COL4A3: variants seen among roughly 807,000 people sequenced by gnomAD.
The protein encoded by COL4A3 is collagen alpha-3(IV) chain.
Under a neutral mutation model 217.4 loss-of-function variants are expected in COL4A3, and 135 were observed. That is an observed-to-expected ratio of 0.62 (90% CI 0.54 to 0.72). The LOEUF (loss-of-function observed/expected upper bound fraction) is 0.72. Ranked by LOEUF, COL4A3 falls within the 30% of genes least tolerant of loss-of-function variation. The pLI, the probability that COL4A3 is intolerant of heterozygous loss-of-function variation, is 0.00. For missense variants in COL4A3, 1,868 were observed against 2,119.9 expected, an observed-to-expected ratio of 0.88 and a Z score of 2.33; for synonymous variants, 690 against 736.3, an observed-to-expected ratio of 0.94 and a Z score of 1.02.
intron 5 of COL4A3, among the ~76,000 whole-genome samples, chr2:227,245,488 A>G (rs1315729144): frequency 2.6e-5 from 4 of 152,176 alleles, no homozygotes; most frequent in African/African-American, 9.7e-5. Flanking sequence ...TTGAGTATCT[A>G]TGGATTTTGG....
At chr2:227,303,773 T>C in intron 44 of COL4A3, 86 bp from the exon 45 acceptor site, 1 of 1,275,720 alleles carries the variant, frequency 7.8e-7, no homozygotes, top group Non-Finnish European at 1.1e-6. Context: ...CTTCTAGTAT[T>C]TGTCCTTAGA....
At chr2:227,205,393 C>A (rs1215280522) in intron 1 of COL4A3, among the ~76,000 whole-genome samples, 1 of 152,088 alleles carries the variant, frequency 6.6e-6, no homozygotes, top group African/African-American at 2.4e-5. Context: ...GATTGCCAAT[C>A]TCTGCAAGGT....
chr2:227,290,091 A>G lies in COL4A3; in HGVS notation c.3070+3A>G. 1 of 1,613,232 alleles carries G rather than the reference A, an allele frequency of 6.2e-7. No homozygotes were observed. The highest frequency in any genetic ancestry group is 8.5e-7 in the Non-Finnish European group (1 of 1,179,226). ...CATGGGGAACATGGGCATGCCAGGT[A>G]ATGCATAAGGTCCTGTTATGAGCCC... On this transcript the variant is annotated splice_donor_region_variant and intron_variant, in intron 36 of 51. Coordinates refer to ENST00000396578, the MANE Select transcript of COL4A3 (RefSeq NM_000091.5).
intron 1 of COL4A3, among the ~76,000 whole-genome samples, chr2:227,171,251 T>G (rs775938185): frequency 2.6e-5 from 4 of 152,262 alleles, no homozygotes; most frequent in Admixed American, 6.5e-5. Context: ...AAAATGGATT[T>G]ATCATCTAAA....
chr2:227,246,643 T>C, intron 6 of COL4A3, 42 bp from the exon 7 acceptor site: 1 of 1,525,642 alleles, frequency 6.6e-7, no homozygotes, highest in Non-Finnish European at 9.1e-7. Context: ...TAGGCTCTTC[T>C]AGAACAACTA....
chr2:227,297,925 C>A, intron 42 of COL4A3, 66 bp downstream of exon 42: 1 of 1,491,244 alleles, frequency 6.7e-7, no homozygotes, highest in Middle Eastern at 1.8e-4. Context: ...AAGTTTTCAA[C>A]CTCCTCCTCA....
At chr2:227,209,923 G>T (rs748118314) in intron 1 of COL4A3, among the ~76,000 whole-genome samples, 1 of 152,158 alleles carries the variant, frequency 6.6e-6, no homozygotes, top group Non-Finnish European at 1.5e-5. Flanking sequence ...GATATGTTCT[G>T]ACCAACTCTC....
intron 43 of COL4A3, 106 bp downstream of exon 43, chr2:227,298,918 C>A: frequency 9.1e-7 from 1 of 1,093,658 alleles, no homozygotes; most frequent in Non-Finnish European, 1.3e-6. Flanking sequence ...CTGTATTAGT[C>A]CATTCTCATG....
intron 20 of COL4A3, among the ~76,000 whole-genome samples, chr2:227,263,090 T>C (rs187057929): frequency 2.0e-5 from 3 of 148,840 alleles, no homozygotes; most frequent in Admixed American, 2.0e-4. Context: ...CAAAGTAAAA[T>C]ATGATTAAAA....
intron 26 of COL4A3, among the ~76,000 whole-genome samples, chr2:227,273,836 A>G (rs1373072362): frequency 6.6e-6 from 1 of 152,238 alleles, no homozygotes; most frequent in Non-Finnish European, 1.5e-5. Flanking sequence ...TTTGGGATAT[A>G]CATATACTGG....
intron 28 of COL4A3, 25 bp from the exon 29 acceptor site, chr2:227,279,768 A>G (rs773264133): frequency 6.7e-7 from 1 of 1,491,264 alleles, no homozygotes; most frequent in South Asian, 1.2e-5. Context: ...ATCCTACAAC[A>G]ATGTTTATTG....
intron 1 of COL4A3, among the ~76,000 whole-genome samples, chr2:227,187,205 C>T (rs900137285): frequency 2.6e-5 from 4 of 152,174 alleles, no homozygotes; most frequent in African/African-American, 9.7e-5. Context: ...CCATCTTCTT[C>T]AGGAATCTGG....
intron 43 of COL4A3, among the ~76,000 whole-genome samples, chr2:227,302,724 G>A (rs573849210): frequency 3.8e-5 from 5 of 129,898 alleles, no homozygotes; most frequent in African/African-American, 1.5e-4. Context: ...GGCAGTACTG[G>A]GCTACTCCAT....
At position 227,279,894 on chromosome 2, in the gene COL4A3, T is replaced by C; in HGVS notation, c.2223+4T>C. 1.3e-6 allele frequency: 2 copies of C among 1,598,200 alleles called. No individual in the cohort carries two copies. Among genetic ancestry groups the C allele is most frequent in the Non-Finnish European group, 1.7e-6 (2 of 1,171,358 alleles). On this transcript the variant is annotated splice_donor_region_variant and intron_variant, in intron 29 of 51. Coordinates refer to ENST00000396578, the MANE Select transcript of COL4A3 (RefSeq NM_000091.5). ...GCCAGGCCTCCCAGGAGCCAAGGTA[T>C]GCAAAAATTCAAGCTATCACAGAAG...
intron 23 of COL4A3, 109 bp from the exon 24 acceptor site, chr2:227,269,797 TTGTC>T: frequency 1.2e-6 from 1 of 820,794 alleles, no homozygotes; most frequent in Non-Finnish European, 2.1e-6. Flanking sequence ...ATGATAGAAG[TTGTC>T]TTTCTTTCCC....
At chr2:227,293,776 G>C (rs62279161) in intron 38 of COL4A3, 1 of 471,142 alleles carries the variant, frequency 2.1e-6, no homozygotes, top group Non-Finnish European at 4.4e-6. Context: ...TCAAGCTGTC[G>C]GCAGCGTTGG....
chr2:227,269,843 T>G (rs2071132189), intron 23 of COL4A3, 67 bp from the exon 24 acceptor site: 5 of 1,313,126 alleles, frequency 3.8e-6, no homozygotes. Flanking sequence ...CTTCATACAT[T>G]GTATTACCCT....
In COL4A3 at chr2:227,314,722, A is replaced by C. The variant is rs2073849492; in HGVS notation, c.*2852A>C. 1 of 151,892 alleles carries C rather than the reference A, an allele frequency of 6.6e-6. No individual in the cohort carries two copies. Among genetic ancestry groups the C allele is most frequent in the Non-Finnish European group, 1.5e-5 (1 of 67,952 alleles). The allele number at this position is 151,892 out of a possible 1,614,324, so 9.4% of individuals were successfully genotyped here. ...CAAGATTATAATATTTTAATGTACT[A>C]ATATTTCTGTAATTATATCTAAAAT... On this transcript the variant is annotated 3_prime_UTR_variant, in exon 52 of 52. Transcript: ENST00000396578.
Position 227,253,462 on chromosome 2 carries a change from A to T in COL4A3, c.688-99A>T. 1 of 1,406,118 alleles carries T rather than the reference A, an allele frequency of 7.1e-7. No homozygotes were observed. Among genetic ancestry groups the T allele is most frequent in the Non-Finnish European group, 1.0e-6 (1 of 990,398 alleles). 87.1% of individuals were successfully genotyped at this position (1,406,118 alleles called of 1,614,324 possible). A position where few individuals can be genotyped will look rare whatever the true frequency, so the allele number is the denominator to read the frequency against. The stretch of plus-strand genomic sequence containing the variant: ...GCCTTCATTTGTTCTATCTTCCCGT[A>T]TAAGCACTAAAGGGGAAAAGTAGAC... On this transcript the variant is annotated intron_variant, in intron 12 of 51. Coordinates refer to ENST00000396578, the MANE Select transcript of COL4A3 (RefSeq NM_000091.5). The surrounding 1 kb of genome is among the most constrained non-coding windows in gnomAD (Gnocchi z 4.4).
Sources: allele counts gnomAD v4.1 joint callset (sites outside exome capture counted in the v4.1 genomes callset), GRCh38; gene constraint gnomAD v4.1.1; non-coding constraint Gnocchi (gnomAD v3.1); transcripts MANE v1.5; gene names NCBI Gene and HGNC (gene_info 2026-07-23, HGNC 2026-07-21).